The following P4HA3 variants were observed in gnomAD, a reference collection of about 807,000 sequenced individuals.
P4HA3 encodes prolyl 4-hydroxylase subunit alpha 3, also known as prolyl 4-hydroxylase subunit alpha-3.
Under a neutral mutation model 66.7 loss-of-function variants are expected in P4HA3, and 60 were observed. The observed-to-expected ratio is 0.90, with a 90% CI of 0.73 to 1.12. The LOEUF (loss-of-function observed/expected upper bound fraction) is 1.12, where lower values mean the gene tolerates loss of function less well. Ranked by LOEUF, P4HA3 falls within the 50% of genes most tolerant of loss-of-function variation. The pLI is 0.00. For missense variants in P4HA3, 683 were observed against 685.8 expected (o/e 1.00, Z 0.05); for synonymous variants, 263 against 274.6 (o/e 0.96, Z 0.42).
chr11:74,301,531 C>G (rs533977788), intron 3 of P4HA3, among the ~76,000 whole-genome samples: 18 of 152,306 alleles, frequency 1.2e-4, no homozygotes, highest in Admixed American at 9.8e-4. Context: ...GGAAGACTGA[C>G]TCCCAAAACT....
chr11:74,271,850 C>T (rs1454558056), intron 10 of P4HA3, among the ~76,000 whole-genome samples: 1 of 152,158 alleles, frequency 6.6e-6, no homozygotes, highest in Non-Finnish European at 1.5e-5. Flanking sequence ...AGATGAAAGA[C>T]TTGGGCATAA....
chr11:74,310,335 G>A (rs569689370), intron 1 of P4HA3, among the ~76,000 whole-genome samples: 111 of 152,342 alleles, frequency 7.3e-4, no homozygotes, highest in African/African-American at 2.5e-3. Context: ...ACAGTGTGTA[G>A]CACTAGAGTT....
At position 74,302,376 on chromosome 11, in the gene P4HA3, A is replaced by G; in HGVS notation, c.560T>C (p.Val187Ala). The change falls in exon 3 of 13, where the codon GTT (valine) becomes GCT (alanine). Residue 187 changes from valine (V) to alanine (A), a missense_variant. Transcript: ENST00000331597. ...FSLTGDDCFQVGKVAYDMGDY... is the reference protein window; with the variant it reads ...FSLTGDDCFQAGKVAYDMGDY... ...TCTCTTGAATATTGTTACCTTGCCA[A>G]CTTGGAAGCAGTCATCCCCTGTGAG... 2 of 1,612,082 alleles carry G rather than the reference A, an allele frequency of 1.2e-6. No homozygotes were observed. Among genetic ancestry groups the G allele is most frequent in the East Asian group, 4.5e-5 (2 of 44,850 alleles).
chr11:74,277,273 A>G, intron 8 of P4HA3, 129 bp from the exon 9 acceptor site: 1 of 1,213,450 alleles, frequency 8.2e-7, no homozygotes, highest in Non-Finnish European at 1.2e-6. Context: ...GAAGGAGGAA[A>G]GAGAGGGAGG....
chr11:74,291,249 CTGT>C (rs1464981962), intron 4 of P4HA3, among the ~76,000 whole-genome samples: 3 of 152,108 alleles, frequency 2.0e-5, no homozygotes, highest in African/African-American at 7.2e-5. Flanking sequence ...CTCTGTTTGT[CTGT>C]TATTGGTGTA....
At chr11:74,260,253 G>A (rs1257212528) in intron 14 of P4HA3, 1 of 152,214 alleles carries the variant, frequency 6.6e-6, no homozygotes, top group Non-Finnish European at 1.5e-5. Context: ...AAGAGACAGA[G>A]GGACCCAGGG....
chr11:74,256,832 C>T (rs1308618932), intron 15 of P4HA3, among the ~76,000 whole-genome samples: 1 of 152,162 alleles, frequency 6.6e-6, no homozygotes, highest in African/African-American at 2.4e-5. Flanking sequence ...GGGACAGAAT[C>T]TTGAGACTGG....
intron 7 of P4HA3, among the ~76,000 whole-genome samples, chr11:74,282,804 C>T (rs910894457): frequency 6.6e-6 from 1 of 152,258 alleles, no homozygotes; most frequent in African/African-American, 2.4e-5. Flanking sequence ...TGGCAGAATA[C>T]ATTTAAAAAT....
intron 9 of P4HA3, among the ~76,000 whole-genome samples, chr11:74,274,779 G>A (rs375060754): frequency 1.3e-5 from 2 of 152,148 alleles, no homozygotes; most frequent in African/African-American, 4.8e-5. Flanking sequence ...TTTTTCCAAA[G>A]TGTCTGTATA....
intron 14 of P4HA3, among the ~76,000 whole-genome samples, chr11:74,261,253 G>A (rs183772974): frequency 9.2e-5 from 14 of 152,292 alleles, no homozygotes; most frequent in Admixed American, 8.5e-4. Context: ...GCCTGGGTCT[G>A]GGGCTTTTTA....
intron 2 of P4HA3, 24 bp from the exon 3 acceptor site, chr11:74,302,616 ACC>A (rs1056822378): frequency 6.3e-6 from 10 of 1,589,914 alleles, no homozygotes; most frequent in Admixed American, 1.8e-5. Flanking sequence ...AAAAACATCA[ACC>A]CAGCATTCAA....
intron 9 of P4HA3, among the ~76,000 whole-genome samples, chr11:74,274,785 G>C (rs944972608): frequency 1.3e-5 from 2 of 152,148 alleles, no homozygotes; most frequent in African/African-American, 4.8e-5. Context: ...CAAAGTGTCT[G>C]TATAATTTTG....
chr11:74,299,681 A>C (rs552788845), intron 3 of P4HA3, among the ~76,000 whole-genome samples: 34 of 151,938 alleles, frequency 2.2e-4, no homozygotes, highest in East Asian at 5.8e-4. Flanking sequence ...AAAAAAAAAA[A>C]AACAACAGAA....
intron 7 of P4HA3, among the ~76,000 whole-genome samples, chr11:74,284,394 C>G (rs1860710661): frequency 6.6e-6 from 1 of 152,174 alleles, no homozygotes; most frequent in Non-Finnish European, 1.5e-5. Flanking sequence ...TGAACCAGCT[C>G]ATGTTTGCCA....
chr11:74,264,006 T>G (rs753221948), downstream of P4HA3, among the ~76,000 whole-genome samples: 11 of 152,224 alleles, frequency 7.2e-5, no homozygotes, highest in Non-Finnish European at 1.5e-4. Flanking sequence ...ATCTATCTAC[T>G]AAGTGGGGCC....
chr11:74,283,498 C>T lies in P4HA3; in HGVS notation c.1110+2311G>A, dbSNP rs570968366. On this transcript the variant is annotated intron_variant, in intron 7 of 12. Transcript: ENST00000331597. ...TCCAATCCATGTCTGCTGTTACAGT[C>T]TTCCTTAAAAATCAGACATGATCAT... is the stretch of plus-strand genomic sequence containing the variant. Among the ~76,000 whole-genome samples the T allele has an allele frequency of 7.0e-4, 106 of 152,328 alleles. 2 individuals carry two copies. In the Middle Eastern group the frequency reaches 0.014, roughly 20 times the overall value.
rs918768682 is a variant in P4HA3, at chr11:74,266,743, A to C, written c.*505T>G. ...TGTTTTCAACTTAAAAAAAATCCTTATATAATGTACCACTCATCTGGGATA... is the reference window on the plus strand; with the variant it reads ...TGTTTTCAACTTAAAAAAAATCCTTCTATAATGTACCACTCATCTGGGATA... On this transcript the variant is annotated 3_prime_UTR_variant, in exon 13 of 13. Transcript: ENST00000331597. The C allele has an allele frequency of 1.1e-5, 3 of 273,728 alleles. No individual in the cohort carries two copies. The highest frequency in any genetic ancestry group is 2.1e-5 in the Non-Finnish European group (3 of 145,810). 17.0% of individuals were successfully genotyped at this position (273,728 alleles called of 1,614,324 possible). A position where few individuals can be genotyped will look rare whatever the true frequency, so the allele number is the denominator to read the frequency against.
intron 15 of P4HA3, chr11:74,251,787 G>A (rs1859673302): frequency 6.4e-6 from 10 of 1,570,614 alleles, no homozygotes; most frequent in Admixed American, 1.7e-5. Flanking sequence ...TTGTAGGACT[G>A]TAAATATCTC....
chr11:74,279,062 G>C (rs546721475), intron 8 of P4HA3, among the ~76,000 whole-genome samples: 1 of 152,220 alleles, frequency 6.6e-6, no homozygotes, highest in African/African-American at 2.4e-5. Context: ...ATCTTGTAAA[G>C]TTAAATTACA....
Sources: gnomAD v4.1 joint callset for allele counts (sites outside exome capture counted in the v4.1 genomes callset) on GRCh38, gnomAD v4.1.1 for gene constraint, MANE v1.5 for transcripts, NCBI Gene and HGNC (gene_info 2026-07-23, HGNC 2026-07-21) for gene names.